Variants in DNAJC10 observed in about 807,000 individuals in gnomAD.
The protein encoded by DNAJC10 is DnaJ heat shock protein family (Hsp40) member C10, also known as endoplasmic reticulum disulfide reductase DNAJC10.
In DNAJC10, 101 loss-of-function variants were observed where a neutral mutation model predicts 115.0. The ratio of observed to expected loss-of-function variants is 0.88; its 90% CI spans 0.75 to 1.04. DNAJC10 has a LOEUF of 1.04. Among genes scored for constraint, DNAJC10 ranks in the 50% least tolerant of loss-of-function variants. The pLI is 0.00. For missense variants in DNAJC10, 981 were observed against 928.8 expected (o/e 1.06, Z -0.73); for synonymous variants, 307 against 301.5 (o/e 1.02, Z -0.19).
At chr2:182,748,189 C>A (rs1413913466) in intron 14 of DNAJC10, among the ~76,000 whole-genome samples, 1 of 150,640 alleles carries the variant, frequency 6.6e-6, no homozygotes, top group African/African-American at 2.5e-5. Flanking sequence ...GTCTAAAATT[C>A]TCTTTTTTGG....
intron 5 of DNAJC10, among the ~76,000 whole-genome samples, chr2:182,728,210 T>C (rs1693340865): frequency 6.6e-6 from 1 of 152,202 alleles, no homozygotes; most frequent in Admixed American, 6.5e-5. Flanking sequence ...ATTTCTCTCA[T>C]GCACACAAAC....
chr2:182,777,759 ATTC>A lies in DNAJC10; in HGVS notation c.*631_*633del, dbSNP rs1410727615. The A allele has an allele frequency of 2.6e-5, 4 of 152,154 alleles. No homozygotes were observed. Among genetic ancestry groups the A allele is most frequent in the Non-Finnish European group, 5.9e-5 (4 of 68,018 alleles). The allele number at this position is 152,154 out of a possible 1,614,324, so 9.4% of individuals were successfully genotyped here. A position where few individuals can be genotyped will look rare whatever the true frequency, so the allele number is the denominator to read the frequency against. ...TGTTATGCTGTATTATTATGAGGAG[ATTC>A]TTCATTGTTTTCTTTCCTTCTCAAA... On this transcript the variant is annotated 3_prime_UTR_variant, in exon 24 of 24. Transcript: ENST00000264065.
intron 16 of DNAJC10, 44 bp downstream of exon 16, chr2:182,752,232 TGAA>T (rs777771793): frequency 5.7e-5 from 62 of 1,081,334 alleles, no homozygotes; most frequent in African/African-American, 5.5e-4. Context: ...TTTTATAAAA[TGAA>T]GACCTTTTGG....
chr2:182,722,036 G>A lies in DNAJC10; in HGVS notation c.379G>A (p.Asp127Asn). 4 of 1,543,492 alleles carry A rather than the reference G, an allele frequency of 2.6e-6. No individual in the cohort carries two copies. The highest frequency in any genetic ancestry group is 3.5e-6 in the Non-Finnish European group (4 of 1,139,894). Residue 127 changes from aspartate (D) to asparagine (N), a missense_variant, in exon 5 of 24, where the codon GAT (aspartate) becomes AAT (asparagine). Coordinates refer to ENST00000264065, the MANE Select transcript of DNAJC10 (RefSeq NM_018981.4). ...ACTTTTAAAATTAGGTATTTATGAT[G>A]ATGATCCTGAAATCATAACATTGGA... is the stretch of plus-strand genomic sequence containing the variant. ...YYRYDFGIYD[D>N]DPEIITLERR...
In DNAJC10 at chr2:182,788,812, C is replaced by A; in HGVS notation, c.*11680C>A. 1 of 456,338 alleles carries A rather than the reference C, an allele frequency of 2.2e-6. No homozygotes were observed. Among genetic ancestry groups the A allele is most frequent in the Admixed American group, 2.4e-5 (1 of 42,438 alleles). The allele number at this position is 456,338 out of a possible 1,614,324, so 28.3% of individuals were successfully genotyped here. On this transcript the variant is annotated 3_prime_UTR_variant, in exon 24 of 24. Coordinates refer to ENST00000264065, the MANE Select transcript of DNAJC10 (RefSeq NM_018981.4). ...TTCAAGCTCTATGACTTTATGATCA[C>A]TTAGTATGTCTACGGATTTTTTGGG...
chr2:182,746,405 G>C (rs1288127218), intron 14 of DNAJC10, among the ~76,000 whole-genome samples: 1 of 152,066 alleles, frequency 6.6e-6, no homozygotes, highest in Non-Finnish European at 1.5e-5. Flanking sequence ...GTTGTTTTCT[G>C]ACTTTTTAAT....
intron 8 of DNAJC10, chr2:182,730,437 G>A: frequency 3.0e-6 from 1 of 334,700 alleles, no homozygotes; most frequent in South Asian, 2.4e-5. Flanking sequence ...TAGTGGGGCT[G>A]CAGTAATAAA....
At chr2:182,753,578 A>ATT (rs1491395317) in intron 16 of DNAJC10, among the ~76,000 whole-genome samples, 2 of 78,018 alleles carry the variant, frequency 2.6e-5, no homozygotes, top group Non-Finnish European at 2.6e-5. Flanking sequence ...TCTTTAGTTT[A>ATT]GTTTTTTTTT....
intron 14 of DNAJC10, among the ~76,000 whole-genome samples, chr2:182,751,424 G>T (rs574679724): frequency 1.2e-4 from 18 of 152,026 alleles, no homozygotes; most frequent in African/African-American, 4.3e-4. Flanking sequence ...GTGAGCCACT[G>T]CACCTGGCCA....
intron 5 of DNAJC10, among the ~76,000 whole-genome samples, chr2:182,723,063 G>A (rs1198211879): frequency 3.8e-5 from 4 of 106,478 alleles, no homozygotes; most frequent in African/African-American, 1.2e-4. Flanking sequence ...TTTTTGAGAC[G>A]GAGTCTTGCT....
rs753259233 is a variant in DNAJC10 at position 182,722,009 on chromosome 2, A to G, written c.368-16A>G. On this transcript the variant is annotated splice_polypyrimidine_tract_variant and intron_variant, in intron 4 of 23. Transcript: ENST00000264065. Reference sequence around the variant, plus strand: ...GAAGTTTTGATTTTATAATTTTTATATACTTTTAAAATTAGGTATTTATGA... The same window carrying G: ...GAAGTTTTGATTTTATAATTTTTATGTACTTTTAAAATTAGGTATTTATGA... 4 of 1,384,184 alleles carry G rather than the reference A, an allele frequency of 2.9e-6. No homozygotes were observed. The highest frequency in any genetic ancestry group is 4.0e-6 in the Non-Finnish European group (4 of 1,010,260). The allele number at this position is 1,384,184 out of a possible 1,614,324, so 85.7% of individuals were successfully genotyped here. A position where few individuals can be genotyped will look rare whatever the true frequency, so the allele number is the denominator to read the frequency against.
chr2:182,774,572 C>T (rs182340813), intron 22 of DNAJC10, among the ~76,000 whole-genome samples: 7 of 152,346 alleles, frequency 4.6e-5, no homozygotes, highest in Admixed American at 2.6e-4. Flanking sequence ...ACCCCTCCCC[C>T]AGCCAGGCTA....
At chr2:182,735,331 GT>G (rs1431678167) in intron 10 of DNAJC10, among the ~76,000 whole-genome samples, 2 of 150,314 alleles carry the variant, frequency 1.3e-5, no homozygotes, top group African/African-American at 2.5e-5. Context: ...AATCAAATAT[GT>G]TTTTTTCTAA....
rs564219375 is a variant in DNAJC10, at chr2:182,719,696, A to G, written c.205-311A>G. Among the ~76,000 whole-genome samples, 5 of 152,080 alleles carry G rather than the reference A, an allele frequency of 3.3e-5. No homozygotes were observed. The East Asian group carries it at 9.6e-4, about 29-fold the overall frequency. The stretch of plus-strand genomic sequence containing the variant: ...AATATTTATGAAATTAAGAGTTTCA[A>G]CAGGCTTATTATTTTCAGCTGCATT... On this transcript the variant is annotated intron_variant, in intron 3 of 23. Transcript: ENST00000264065.
chr2:182,728,631 T>A lies in DNAJC10; in HGVS notation c.474T>A (p.Cys158Ter). The A allele has an allele frequency of 6.2e-7, 1 of 1,612,926 alleles. No individual in the cohort carries two copies. The highest frequency in any genetic ancestry group is 8.5e-7 in the Non-Finnish European group (1 of 1,179,374). Reference protein sequence around the residue: ...LWFVNFYSPGCSHCHDLAPTW... With the variant: ...LWFVNFYSPG ...TTGTAAATTTTTACTCCCCAGGCTGTTCACACTGCCATGATTTAGCTCCCA... is the reference window on the plus strand; with the variant it reads ...TTGTAAATTTTTACTCCCCAGGCTGATCACACTGCCATGATTTAGCTCCCA... Residue 158 changes from cysteine (C) to a stop codon, truncating the protein, a stop_gained, in exon 6 of 24, where the codon TGT (cysteine) becomes TGA (stop). Coordinates refer to ENST00000264065, the MANE Select transcript of DNAJC10 (RefSeq NM_018981.4). LOFTEE classifies it high-confidence loss of function.
rs1426026925 is a variant in DNAJC10 at position 182,794,185 on chromosome 2, G to A, written c.*17053G>A. On this transcript the variant is annotated 3_prime_UTR_variant, in exon 24 of 24. Transcript: ENST00000264065. ...CTAAACATCACCTGGGGCAGATGGG[G>A]CGAGAGAGCAGAGAGCTTGGGAAAG... 6.6e-6 allele frequency: 1 copy of A among 152,254 alleles called. No homozygotes were observed. The highest frequency in any genetic ancestry group is 1.5e-5 in the Non-Finnish European group (1 of 68,090). The allele number at this position is 152,254 out of a possible 1,614,324, so 9.4% of individuals were successfully genotyped here.
intron 22 of DNAJC10, among the ~76,000 whole-genome samples, chr2:182,767,680 G>T (rs1300381362): frequency 6.6e-6 from 1 of 152,014 alleles, no homozygotes; most frequent in East Asian, 1.9e-4. Flanking sequence ...AGGGGGTGGG[G>T]GGCAGCTCTT....
intron 14 of DNAJC10, among the ~76,000 whole-genome samples, chr2:182,746,759 CTTT>C (rs1421940722): frequency 6.6e-6 from 1 of 151,972 alleles, no homozygotes; most frequent in African/African-American, 2.4e-5. Context: ...TCAATTTTGG[CTTT>C]TGTTGCCATT....
intron 10 of DNAJC10, among the ~76,000 whole-genome samples, chr2:182,734,405 T>C (rs1185891246): frequency 6.6e-6 from 1 of 151,758 alleles, no homozygotes; most frequent in Non-Finnish European, 1.5e-5. Context: ...GTAATTTTGT[T>C]ATTTTTGGCT....
Sources: gnomAD v4.1 joint callset for allele counts (sites outside exome capture counted in the v4.1 genomes callset) on GRCh38, gnomAD v4.1.1 for gene constraint, MANE v1.5 for transcripts, NCBI Gene and HGNC (gene_info 2026-07-23, HGNC 2026-07-21) for gene names.